The following MARCHF8 variants were observed in gnomAD, a reference collection of about 807,000 sequenced individuals.
MARCHF8 encodes E3 ubiquitin-protein ligase MARCHF8.
In MARCHF8, 40 loss-of-function variants were observed where a neutral mutation model predicts 51.6. The ratio of observed to expected loss-of-function variants is 0.77; its 90% CI spans 0.60 to 1.01. The LOEUF is 1.01. Ranked by LOEUF, MARCHF8 falls within the 50% of genes least tolerant of loss-of-function variation. The probability of loss-of-function intolerance (pLI) is 0.00; values close to 1 mark genes in which losing one functional copy is unlikely to be tolerated. For missense variants in MARCHF8, 685 were observed against 708.6 expected (o/e 0.97, Z 0.38); for synonymous variants, 263 against 280.3 (o/e 0.94, Z 0.62).
chr10:45,549,471 A>G (rs1380154169), intron 1 of MARCHF8, among the ~76,000 whole-genome samples: 1 of 152,086 alleles, frequency 6.6e-6, no homozygotes, highest in Non-Finnish European at 1.5e-5. Context: ...GCTTCTTCAC[A>G]TGTTGGCAGC....
At chr10:45,461,443 G>T (rs1287571177) in intron 5 of MARCHF8, 32 bp from the exon 6 acceptor site, 2 of 1,491,784 alleles carry the variant, frequency 1.3e-6, no homozygotes, top group Non-Finnish European at 1.8e-6. Context: ...TCATTCCAAG[G>T]ACAGTCCCAT....
chr10:45,544,542 A>T (rs778728067), intron 1 of MARCHF8, among the ~76,000 whole-genome samples: 1 of 152,250 alleles, frequency 6.6e-6, no homozygotes, highest in Non-Finnish European at 1.5e-5. Context: ...AGCAATTAAA[A>T]GGAAAAAACC....
In MARCHF8 at chr10:45,459,881, G is replaced by A. The variant is rs374527155; in HGVS notation, c.1270-614C>T. ...GCCAGACTTTCTTTTTCATTTACTG[G>A]TTTCCGAATCAGGAGAAAACACATA... is the stretch of plus-strand genomic sequence containing the variant. On this transcript the variant is annotated intron_variant, in intron 6 of 7. Transcript: ENST00000453424. 1.9e-5 allele frequency: 19 copies of A among 985,266 alleles called. No homozygotes were observed. In the East Asian group the frequency reaches 1.4e-3, roughly 70 times the overall value. The allele number at this position is 985,266 out of a possible 1,614,324, so 61.0% of individuals were successfully genotyped here.
At chr10:45,521,381 C>G (rs2043702794) in intron 2 of MARCHF8, among the ~76,000 whole-genome samples, 2 of 152,162 alleles carry the variant, frequency 1.3e-5, no homozygotes, top group African/African-American at 4.8e-5. Flanking sequence ...TGCAGCATAG[C>G]AAAATTAAGA....
chr10:45,545,661 G>A (rs1446261352), intron 1 of MARCHF8, among the ~76,000 whole-genome samples: 1 of 152,208 alleles, frequency 6.6e-6, no homozygotes, highest in African/African-American at 2.4e-5. Flanking sequence ...GAAAACTTGA[G>A]TTTCCTAAGT....
At position 45,458,291 on chromosome 10, in the gene MARCHF8, G is replaced by A; in HGVS notation, c.1670C>T (p.Ser557Phe). The A allele has an allele frequency of 6.2e-7, 1 of 1,614,068 alleles. No individual in the cohort carries two copies. The highest frequency in any genetic ancestry group is 8.5e-7 in the Non-Finnish European group (1 of 1,180,012). ...GYGICHSDTN[S>F]SCCTEPEDTG... The stretch of plus-strand genomic sequence containing the variant: ...GTCTTCAGGCTCTGTGCAACAAGAA[G>A]AGTTTGTGTCGGAATGACAGATTCC... The change falls in exon 8 of 8, where the codon TCT becomes TTT. Residue 557 changes from serine to phenylalanine, a missense_variant. By Grantham distance (155) the Ser-to-Phe change is radical (BLOSUM62 -2). Transcript: ENST00000453424.
At chr10:45,547,705 T>G (rs1423886276) in intron 1 of MARCHF8, among the ~76,000 whole-genome samples, 1 of 152,156 alleles carries the variant, frequency 6.6e-6, no homozygotes, top group African/African-American at 2.4e-5. Flanking sequence ...TTTGTTGTAG[T>G]AAAGAAGAGC....
At chr10:45,531,683 T>G (rs1398025068) in intron 2 of MARCHF8, among the ~76,000 whole-genome samples, 1 of 152,208 alleles carries the variant, frequency 6.6e-6, no homozygotes, top group African/African-American at 2.4e-5. Context: ...TAAAAGTCAT[T>G]AACCCTCTGT....
At chr10:45,571,601 C>G (rs947699468) in intron 1 of MARCHF8, among the ~76,000 whole-genome samples, 1 of 152,042 alleles carries the variant, frequency 6.6e-6, no homozygotes, top group African/African-American at 2.4e-5. Flanking sequence ...CGGCGGACCT[C>G]CCTTGGGAGA....
intron 2 of MARCHF8, among the ~76,000 whole-genome samples, chr10:45,500,041 C>T (rs566151533): frequency 6.6e-6 from 1 of 152,142 alleles, no homozygotes; most frequent in South Asian, 2.1e-4. Flanking sequence ...GTCATCTTAA[C>T]AATATTAAGT....
chr10:45,537,912 G>A (rs1410691821), upstream of MARCHF8, among the ~76,000 whole-genome samples: 1 of 152,198 alleles, frequency 6.6e-6, no homozygotes, highest in East Asian at 1.9e-4. Flanking sequence ...GTATATTAAA[G>A]CCATAGAAAT....
chr10:45,508,333 T>TA (rs35317640), intron 2 of MARCHF8, among the ~76,000 whole-genome samples: 3,055 of 94,898 alleles, frequency 0.032, 41 homozygotes, highest in African/African-American at 0.049. Flanking sequence ...TCTTTCACAG[T>TA]AAAAAAAAAA....
In MARCHF8 at chr10:45,458,541, T is replaced by G. The variant is rs922824634; in HGVS notation, c.1420A>C (p.Ile474Leu). ...EEIKQGQATG[I>L]LEWPFWTKLV... Reference sequence around the variant, plus strand: ...TTAGTCCAAAAGGGCCATTCTAGGATTCCTGGAAGGGAAAAACTCAGCCTA... The same window carrying G: ...TTAGTCCAAAAGGGCCATTCTAGGAGTCCTGGAAGGGAAAAACTCAGCCTA... Residue 474 changes from isoleucine to leucine, a missense_variant and splice_region_variant, in exon 8 of 8, where the codon ATC becomes CTC. Transcript: ENST00000453424. 1.3e-6 allele frequency: 2 copies of G among 1,577,146 alleles called. No homozygotes were observed. The highest frequency in any genetic ancestry group is 3.9e-5 in the Admixed American group (2 of 51,482).
chr10:45,554,538 T>C (rs1031912879), intron 1 of MARCHF8, among the ~76,000 whole-genome samples: 1 of 152,260 alleles, frequency 6.6e-6, no homozygotes, highest in East Asian at 1.9e-4. Context: ...CTGGACATCT[T>C]GTCACACAAG....
intron 2 of MARCHF8, among the ~76,000 whole-genome samples, chr10:45,516,514 G>A (rs1008353630): frequency 1.5e-4 from 23 of 152,008 alleles, no homozygotes; most frequent in East Asian, 5.9e-4. Context: ...TGTTAATCCC[G>A]GCACTTTGGG....
intron 3 of MARCHF8, among the ~76,000 whole-genome samples, chr10:45,466,672 G>T (rs1232500984): frequency 1.3e-5 from 2 of 152,162 alleles, no homozygotes; most frequent in African/African-American, 4.8e-5. Context: ...CCTGTATTCT[G>T]AAGGGAAGGC....
In MARCHF8 at chr10:45,478,568, T is replaced by TAAA. The variant is rs3086168; in HGVS notation, c.153+10796_153+10798dup. On this transcript the variant is annotated intron_variant, in intron 3 of 7. Coordinates refer to ENST00000453424, the MANE Select transcript of MARCHF8 (RefSeq NM_001282866.2). The stretch of plus-strand genomic sequence containing the variant: ...GAGGAGAACTAAACTAAATAGGAGC[T>TAAA]AAAAAAAAAAAAGATCAATGAAACA... Among the ~76,000 whole-genome samples the TAAA allele has an allele frequency of 4.9e-3, 636 of 130,122 alleles. 3 individuals carry two copies. Among genetic ancestry groups the TAAA allele is most frequent in the African/African-American group, 0.013 (477 of 35,574 alleles). 85.4% of individuals were successfully genotyped at this position (130,122 alleles called of 152,430 possible). A position where few individuals can be genotyped will look rare whatever the true frequency, so the allele number is the denominator to read the frequency against.
At chr10:45,513,340 T>C (rs980315270) in intron 2 of MARCHF8, among the ~76,000 whole-genome samples, 2 of 152,156 alleles carry the variant, frequency 1.3e-5, no homozygotes, top group African/African-American at 4.8e-5. Context: ...TAGTGCAGAA[T>C]GTACTCATTC....
At chr10:45,586,908 C>T (rs1042782579) in intron 1 of MARCHF8, among the ~76,000 whole-genome samples, 1 of 151,740 alleles carries the variant, frequency 6.6e-6, no homozygotes, top group African/African-American at 2.4e-5. Flanking sequence ...CTATAGTATA[C>T]TGTTTCTTTT....
Sources: allele counts gnomAD v4.1 joint callset (sites outside exome capture counted in the v4.1 genomes callset), GRCh38; gene constraint gnomAD v4.1.1; transcripts MANE v1.5; gene names NCBI Gene and HGNC (gene_info 2026-07-23, HGNC 2026-07-21).